CNTN4: variants seen among roughly 807,000 people sequenced by gnomAD.
The protein encoded by CNTN4 is contactin 4.
In CNTN4, 77 loss-of-function variants were observed where a neutral mutation model predicts 122.5. The observed-to-expected ratio is 0.63, with a 90% CI of 0.52 to 0.76. CNTN4 has a LOEUF of 0.76. Among genes scored for constraint, CNTN4 ranks in the 30% least tolerant of loss-of-function variants. The probability of loss-of-function intolerance (pLI) is 0.00; values close to 1 mark genes in which losing one functional copy is unlikely to be tolerated. For synonymous variants in CNTN4, 512 were observed against 447.0 expected (o/e 1.15, Z -1.83); for missense variants, 1,256 against 1,259.1 (o/e 1.00, Z 0.04).
intron 11 of CNTN4, among the ~76,000 whole-genome samples, chr3:2,901,190 A>G (rs76524561): frequency 1.8e-3 from 277 of 152,380 alleles, no homozygotes; most frequent in African/African-American, 6.3e-3. Flanking sequence ...CCATCTAAAT[A>G]GAGAAACACT....
Position 2,108,983 on chromosome 3 carries a change from A to C in CNTN4, c.-145+8344A>C, listed in dbSNP as rs189875847. Among the ~76,000 whole-genome samples, 11 of 152,350 alleles carry C rather than the reference A, an allele frequency of 7.2e-5. No individual in the cohort carries two copies. The East Asian group carries it at 1.9e-3, about 27-fold the overall frequency. ...GAATACATGTTCATGGAGCATAAAC[A>C]ATGTTACTCAGAGTTTGTGATAAGT... is the stretch of plus-strand genomic sequence containing the variant. On this transcript the variant is annotated intron_variant, in intron 2 of 24. Transcript: ENST00000418658.
At chr3:2,642,405 C>T (rs1172720685) in intron 4 of CNTN4, among the ~76,000 whole-genome samples, 1 of 152,174 alleles carries the variant, frequency 6.6e-6, no homozygotes, top group East Asian at 1.9e-4. Context: ...TGGCAACACC[C>T]TCACAGACAT....
chr3:2,573,411 T>G (rs528420520), intron 4 of CNTN4, among the ~76,000 whole-genome samples: 1 of 152,290 alleles, frequency 6.6e-6, no homozygotes, highest in East Asian at 1.9e-4. Context: ...CCCAGCAGTA[T>G]GCCCAGGCTC....
rs1300077692 is a variant in CNTN4, at chr3:2,647,890, TAGG to T, written c.55+76335_55+76337del. 7.2e-5 allele frequency among the ~76,000 whole-genome samples: 11 copies of T among 152,370 alleles called. No individual in the cohort carries two copies. In the East Asian group the frequency reaches 2.1e-3, roughly 29 times the overall value. On this transcript the variant is annotated intron_variant, in intron 4 of 24. Coordinates refer to ENST00000418658, the MANE Select transcript of CNTN4 (RefSeq NM_175607.3). ...TATTAAATGGCTTTAGTGGTCACTT[TAGG>T]AGAGACATTTACTTTGTTGTTAAAC...
intron 4 of CNTN4, among the ~76,000 whole-genome samples, chr3:2,581,615 A>G (rs2079940589): frequency 1.3e-5 from 2 of 152,216 alleles, no homozygotes; most frequent in African/African-American, 2.4e-5. Context: ...TAGAAAAAAC[A>G]GTGAAGACCA....
intron 2 of CNTN4, among the ~76,000 whole-genome samples, chr3:2,230,045 C>T (rs886712678): frequency 2.6e-5 from 4 of 152,144 alleles, no homozygotes; most frequent in African/African-American, 9.7e-5. Context: ...CTGTGGTCAT[C>T]ATTATTAAGC....
At chr3:2,908,289 C>T (rs2094259727) in intron 12 of CNTN4, among the ~76,000 whole-genome samples, 2 of 152,096 alleles carry the variant, frequency 1.3e-5, no homozygotes, top group Admixed American at 6.5e-5. Context: ...TAGTTCTACC[C>T]ATGTTTAGTA....
chr3:2,127,827 A>G lies in CNTN4; in HGVS notation c.-145+27188A>G, dbSNP rs149645161. Among the ~76,000 whole-genome samples, 362 of 152,328 alleles carry G rather than the reference A, an allele frequency of 2.4e-3. 1 individual carries two copies. The highest frequency in any genetic ancestry group is 8.4e-3 in the African/African-American group (349 of 41,570). On this transcript the variant is annotated intron_variant, in intron 2 of 24. Coordinates refer to ENST00000418658, the MANE Select transcript of CNTN4 (RefSeq NM_175607.3). Reference sequence around the variant, plus strand: ...GCTACAGGGAACCTTTAAGTCATGCACCAAATTAAAAGATTGCAAGCTCCA... The same window carrying G: ...GCTACAGGGAACCTTTAAGTCATGCGCCAAATTAAAAGATTGCAAGCTCCA...
intron 12 of CNTN4, among the ~76,000 whole-genome samples, chr3:2,906,844 CAAAAAAAA>C (rs11287897): frequency 8.2e-6 from 1 of 122,408 alleles, no homozygotes; most frequent in African/African-American, 3.1e-5. Context: ...AACTCCTTCT[CAAAAAAAA>C]AAAAAAAGAA....
intron 3 of CNTN4, among the ~76,000 whole-genome samples, chr3:2,552,285 G>T (rs770392043): frequency 3.9e-5 from 6 of 152,186 alleles, no homozygotes; most frequent in Non-Finnish European, 7.4e-5. Context: ...TTTTAGGAAT[G>T]CTGTAGATTA....
intron 2 of CNTN4, among the ~76,000 whole-genome samples, chr3:2,299,752 A>G (rs1232900955): frequency 1.3e-5 from 2 of 152,158 alleles, no homozygotes; most frequent in African/African-American, 4.8e-5. Context: ...TAAATCATTT[A>G]TGTAGTTTTG....
intron 3 of CNTN4, among the ~76,000 whole-genome samples, chr3:2,508,983 C>T (rs2076811438): frequency 6.6e-6 from 1 of 152,144 alleles, no homozygotes. Context: ...TAGTAATTAA[C>T]ACCTACCATT....
At chr3:2,780,936 A>C (rs1258102142) in intron 6 of CNTN4, among the ~76,000 whole-genome samples, 2 of 152,234 alleles carry the variant, frequency 1.3e-5, no homozygotes, top group African/African-American at 4.8e-5. Flanking sequence ...GTTAAGTAGA[A>C]TATTTTGTTC....
At chr3:2,852,993 A>G (rs2093570892) in intron 7 of CNTN4, among the ~76,000 whole-genome samples, 2 of 152,200 alleles carry the variant, frequency 1.3e-5, no homozygotes. Context: ...ACGCAGAACT[A>G]TTTTAAGTGG....
chr3:2,339,809 A>T (rs139679934), intron 3 of CNTN4, among the ~76,000 whole-genome samples: 1 of 152,236 alleles, frequency 6.6e-6, no homozygotes, highest in Non-Finnish European at 1.5e-5. Flanking sequence ...GCTTAAAACA[A>T]TGGAAACTTA....
At chr3:2,719,225 T>A (rs2087686587) in intron 4 of CNTN4, among the ~76,000 whole-genome samples, 1 of 152,100 alleles carries the variant, frequency 6.6e-6, no homozygotes, top group South Asian at 2.1e-4. Context: ...AATGAATGAT[T>A]AAGGAACAAT....
intron 7 of CNTN4, among the ~76,000 whole-genome samples, chr3:2,852,906 C>A (rs1278785210): frequency 6.6e-6 from 1 of 152,124 alleles, no homozygotes; most frequent in East Asian, 1.9e-4. Context: ...TTTTTTCTTG[C>A]AAGTCTTTGT....
intron 12 of CNTN4, among the ~76,000 whole-genome samples, chr3:2,906,614 G>A (rs865973178): frequency 1.3e-5 from 2 of 152,134 alleles, no homozygotes; most frequent in Middle Eastern, 3.4e-3. Context: ...GAGGCAGGCG[G>A]ATCACCTGAG....
At chr3:2,126,927 C>T (rs1464454356) in intron 2 of CNTN4, among the ~76,000 whole-genome samples, 1 of 152,140 alleles carries the variant, frequency 6.6e-6, no homozygotes, top group East Asian at 1.9e-4. Context: ...ACCTGGACCT[C>T]ACCTAGATGG....
Sources: allele counts gnomAD v4.1 joint callset (sites outside exome capture counted in the v4.1 genomes callset), GRCh38; gene constraint gnomAD v4.1.1; transcripts MANE v1.5; gene names NCBI Gene and HGNC (gene_info 2026-07-23, HGNC 2026-07-21).